UBE2J1: variants seen among roughly 807,000 people sequenced by gnomAD.
UBE2J1 encodes the protein ubiquitin-conjugating enzyme E2 J1.
Under a neutral mutation model 42.1 loss-of-function variants are expected in UBE2J1, and 17 were observed. That is an observed-to-expected ratio of 0.40 (90% confidence interval 0.28 to 0.61). The LOEUF (loss-of-function observed/expected upper bound fraction) is 0.61, where lower values mean the gene tolerates loss of function less well. UBE2J1 is among the 20% of genes least tolerant of loss of function. UBE2J1 has a pLI of 0.38. For missense variants in UBE2J1, 291 were observed against 389.4 expected (o/e 0.75, Z 2.13); for synonymous variants, 127 against 137.2 (o/e 0.93, Z 0.52).
At chr6:89,348,258 T>C (rs1384776627) in intron 1 of UBE2J1, among the ~76,000 whole-genome samples, 2 of 152,240 alleles carry the variant, frequency 1.3e-5, no homozygotes, top group Non-Finnish European at 2.9e-5. Flanking sequence ...GCTCTTGTTC[T>C]TCTTTCTTAT....
At chr6:89,338,045 T>C (rs561331518) in intron 5 of UBE2J1, among the ~76,000 whole-genome samples, 160 bp downstream of exon 5, 1 of 152,290 alleles carries the variant, frequency 6.6e-6, no homozygotes, top group African/African-American at 2.4e-5. Context: ...TCCAAGGAAA[T>C]TATTACAACT....
rs1442245272 is a variant in UBE2J1, at chr6:89,329,888, T to C, written c.748A>G (p.Met250Val). The C allele has an allele frequency of 4.3e-6, 7 of 1,613,968 alleles. No homozygotes were observed. Among genetic ancestry groups the C allele is most frequent in the Non-Finnish European group, 5.1e-6 (6 of 1,179,992 alleles). ...TGGGCCCGGCGCTGTCGAGGGCTCATGGAGGTATTCTTAGCTACAGGTTGG... is the reference window on the plus strand; with the variant it reads ...TGGGCCCGGCGCTGTCGAGGGCTCACGGAGGTATTCTTAGCTACAGGTTGG... ...PTQPVAKNTSMSPRQRRAQQQ... is the reference protein window; with the variant it reads ...PTQPVAKNTSVSPRQRRAQQQ... The change falls in exon 8 of 8, where the codon ATG (methionine) becomes GTG (valine). Residue 250 changes from methionine to valine, a missense_variant. Coordinates refer to ENST00000435041, the MANE Select transcript of UBE2J1 (RefSeq NM_016021.3).
intron 5 of UBE2J1, among the ~76,000 whole-genome samples, chr6:89,336,030 C>T (rs1405586894): frequency 6.6e-6 from 1 of 151,906 alleles, no homozygotes; most frequent in Non-Finnish European, 1.5e-5. Flanking sequence ...TCCATTTTTC[C>T]CTTTGTATTC....
Position 89,352,600 on chromosome 6 carries a change from G to C in UBE2J1, c.-31C>G. ...GTCGCTGGCTTGGCTCCGGCCTCCC[G>C]GGCCGCTGCCACCTCCTCTCCACGC... On this transcript the variant is annotated 5_prime_UTR_variant, in exon 1 of 8. Transcript: ENST00000435041. 1 of 1,547,962 alleles carries C rather than the reference G, an allele frequency of 6.5e-7. No homozygotes were observed. Among genetic ancestry groups the C allele is most frequent in the Non-Finnish European group, 8.7e-7 (1 of 1,155,026 alleles).
Position 89,339,870 on chromosome 6 carries a change from A to G in UBE2J1, c.238-1327T>C, listed in dbSNP as rs1016582679. ...CAAAAAATAAAAATAAAAAAAATTT[A>G]GCCAAGCGTGGTATGTGTGACTATA... On this transcript the variant is annotated intron_variant, in intron 3 of 7. Coordinates refer to ENST00000435041, the MANE Select transcript of UBE2J1 (RefSeq NM_016021.3). Among the ~76,000 whole-genome samples, 9 of 152,078 alleles carry G rather than the reference A, an allele frequency of 5.9e-5. No homozygotes were observed. The East Asian group carries it at 1.4e-3, about 23-fold the overall frequency.
chr6:89,329,023 G>C lies in UBE2J1; in HGVS notation c.*656C>G, dbSNP rs923894681. 1.3e-5 allele frequency: 2 copies of C among 152,192 alleles called. No individual in the cohort carries two copies. The highest frequency in any genetic ancestry group is 4.8e-5 in the African/African-American group (2 of 41,438). 9.4% of individuals were successfully genotyped at this position (152,192 alleles called of 1,614,324 possible). A position where few individuals can be genotyped will look rare whatever the true frequency, so the allele number is the denominator to read the frequency against. On this transcript the variant is annotated 3_prime_UTR_variant, in exon 8 of 8. Coordinates refer to ENST00000435041, the MANE Select transcript of UBE2J1 (RefSeq NM_016021.3). ...TGTGATTATGGCAGCAGAGGGCAGG[G>C]GGTGGTGATAACAGCATATCAAAGT... is the stretch of plus-strand genomic sequence containing the variant.
intron 3 of UBE2J1, among the ~76,000 whole-genome samples, chr6:89,342,117 G>A (rs1768256424): frequency 6.6e-6 from 1 of 152,174 alleles, no homozygotes; most frequent in East Asian, 1.9e-4. Flanking sequence ...TGACATTTAT[G>A]CATTCAGTTG....
At chr6:89,341,765 G>A (rs1178586591) in intron 3 of UBE2J1, among the ~76,000 whole-genome samples, 1 of 152,038 alleles carries the variant, frequency 6.6e-6, no homozygotes, top group African/African-American at 2.4e-5. Flanking sequence ...AAGAAAAGAT[G>A]TGTAAATTTG....
rs200248197 is a variant in UBE2J1 at position 89,335,331 on chromosome 6, T to C, written c.529A>G (p.Lys177Glu). The C allele has an allele frequency of 1.6e-4, 263 of 1,606,542 alleles. No homozygotes were observed. The highest frequency in any genetic ancestry group is 2.6e-5 in the Non-Finnish European group (30 of 1,175,476). ...SDSSQADQEA[K>E]ELARQISFKA... ...AAGCTTATTTGCCTAGCCAGTTCTT[T>C]GGCTTCTTGGTCAGCTTGGCTTGAA... The change falls in exon 6 of 8, where the codon AAA (lysine) becomes GAA (glutamate). Residue 177 changes from lysine (K) to glutamate (E), a missense_variant. Lys to Glu is a moderately conservative substitution (Grantham distance 56). Transcript: ENST00000435041.
At chr6:89,339,770 A>G (rs62415376) in intron 3 of UBE2J1, among the ~76,000 whole-genome samples, 41,613 of 151,090 alleles carry the variant, frequency 0.28, 5,977 homozygotes, top group Middle Eastern at 0.41. Context: ...AGCACTTGGG[A>G]GGCTAAGGTA....
intron 1 of UBE2J1, among the ~76,000 whole-genome samples, chr6:89,351,692 T>C (rs1481025979): frequency 6.6e-6 from 1 of 152,222 alleles, no homozygotes; most frequent in Non-Finnish European, 1.5e-5. Flanking sequence ...CAGAGTTAAC[T>C]GTGGAGTTTC....
chr6:89,334,662 G>T (rs1208963648), intron 6 of UBE2J1, among the ~76,000 whole-genome samples: 2 of 151,798 alleles, frequency 1.3e-5, no homozygotes, highest in African/African-American at 4.8e-5. Flanking sequence ...GTAGAGACGG[G>T]GTTTCTCCAT....
chr6:89,350,190 T>C (rs757552185), intron 1 of UBE2J1, among the ~76,000 whole-genome samples: 45 of 152,238 alleles, frequency 3.0e-4, no homozygotes, highest in Non-Finnish European at 4.6e-4. Context: ...AAATTTACTA[T>C]ATCCACATGC....
chr6:89,351,069 CTTTTTTTTTTT>C (rs1193022037), intron 1 of UBE2J1, among the ~76,000 whole-genome samples: 22 of 60,466 alleles, frequency 3.6e-4, no homozygotes, highest in Admixed American at 9.5e-4. Context: ...CCGGGATTCT[CTTTTTTTTTTT>C]TTTTTTTTTT....
At position 89,342,399 on chromosome 6, in the gene UBE2J1, A is replaced by G. The variant is rs1228763229; in HGVS notation, c.162T>C (p.Asp54=). ...CTATCCGCCCGTGATAAACTCCTCCATCAAAATCGGAGTCTGGGGGCCCTC... is the reference window on the plus strand; with the variant it reads ...CTATCCGCCCGTGATAAACTCCTCCGTCAAAATCGGAGTCTGGGGGCCCTC... The part of the protein sequence containing the change: ...TVRGPPDSDF[D]GGVYHGRIVL... Residue 54 remains aspartate (D), a synonymous_variant, in exon 3 of 8, where the codon GAT becomes GAC. Coordinates refer to ENST00000435041, the MANE Select transcript of UBE2J1 (RefSeq NM_016021.3). 3 of 1,613,586 alleles carry G rather than the reference A, an allele frequency of 1.9e-6. No individual in the cohort carries two copies. The Admixed American group carries it at 5.0e-5, about 27-fold the overall frequency.
intron 6 of UBE2J1, among the ~76,000 whole-genome samples, chr6:89,333,831 A>G (rs921506050): frequency 4.6e-5 from 7 of 152,204 alleles, no homozygotes; most frequent in African/African-American, 1.2e-4. Context: ...AGGCACTACA[A>G]TAAAAGAGAA....
intron 3 of UBE2J1, among the ~76,000 whole-genome samples, chr6:89,341,256 C>G (rs1366001583): frequency 6.6e-6 from 1 of 152,194 alleles, no homozygotes; most frequent in Non-Finnish European, 1.5e-5. Context: ...TGGACTGCAG[C>G]AGGCCAAACT....
At chr6:89,335,546 C>A in intron 5 of UBE2J1, 115 bp from the exon 6 acceptor site, 1 of 676,718 alleles carries the variant, frequency 1.5e-6, no homozygotes, top group Non-Finnish European at 2.2e-6. Context: ...CTGGAAAATT[C>A]CACATCACAT....
intron 2 of UBE2J1, 111 bp downstream of exon 2, chr6:89,343,572 G>A (rs55816427): frequency 0.012 from 7,186 of 595,800 alleles, 315 homozygotes; most frequent in African/African-American, 0.11. Flanking sequence ...TGAATAAAAC[G>A]TCAAACTACA....
Sources: allele counts gnomAD v4.1 joint callset (sites outside exome capture counted in the v4.1 genomes callset), GRCh38; gene constraint gnomAD v4.1.1; transcripts MANE v1.5; gene names NCBI Gene and HGNC (gene_info 2026-07-23, HGNC 2026-07-21).